The following ARSB variants were observed in gnomAD, a reference collection of about 807,000 sequenced individuals.
The protein encoded by ARSB is arylsulfatase B, also known as N-acetylgalactosamine-4-sulfatase.
In ARSB, 41 loss-of-function variants were observed where a neutral mutation model predicts 50.9. The ratio of observed to expected loss-of-function variants is 0.81; its 90% confidence interval spans 0.63 to 1.04. ARSB has a LOEUF of 1.04. Ranked by LOEUF, ARSB falls within the 50% of genes least tolerant of loss-of-function variation. The pLI, the probability that ARSB is intolerant of heterozygous loss-of-function variation, is 0.00. For missense variants in ARSB, 672 were observed against 693.3 expected, an observed-to-expected ratio of 0.97 and a Z score of 0.35; for synonymous variants, 269 against 284.8, an observed-to-expected ratio of 0.94 and a Z score of 0.56.
At chr5:78,832,016 C>T (rs1199488177) in intron 6 of ARSB, among the ~76,000 whole-genome samples, 2 of 151,984 alleles carry the variant, frequency 1.3e-5, no homozygotes, top group Non-Finnish European at 2.9e-5. Context: ...GTATTAATCT[C>T]TTATACATAA....
chr5:78,903,153 G>A (rs930992406), intron 4 of ARSB, among the ~76,000 whole-genome samples: 2 of 152,150 alleles, frequency 1.3e-5, no homozygotes, highest in African/African-American at 4.8e-5. Flanking sequence ...TTCAGAGGGG[G>A]AATAAGCAGT....
chr5:78,853,169 T>C (rs1270637682), intron 5 of ARSB, among the ~76,000 whole-genome samples: 3 of 152,252 alleles, frequency 2.0e-5, no homozygotes, highest in Non-Finnish European at 2.9e-5. Context: ...GCTCTGTTTT[T>C]TCCCCATCTT....
chr5:78,892,251 T>C (rs1360189370), intron 4 of ARSB, among the ~76,000 whole-genome samples: 2 of 116,798 alleles, frequency 1.7e-5, no homozygotes, highest in East Asian at 2.5e-4. Flanking sequence ...CTCTATTCTT[T>C]TTTTTTTTTT....
chr5:78,896,368 G>C (rs1397668998), intron 4 of ARSB, among the ~76,000 whole-genome samples: 2 of 152,154 alleles, frequency 1.3e-5, no homozygotes, highest in Non-Finnish European at 2.9e-5. Context: ...CTGGAGGGGA[G>C]CCAGGATGAG....
chr5:78,892,301 G>T (rs1280944635), intron 4 of ARSB, among the ~76,000 whole-genome samples: 1 of 136,628 alleles, frequency 7.3e-6, no homozygotes, highest in African/African-American at 3.1e-5. Context: ...TGTCTCCCAG[G>T]CTGGAGTACA....
At chr5:78,876,214 CTTGCT>C (rs1352844764) in intron 5 of ARSB, among the ~76,000 whole-genome samples, 41 of 151,884 alleles carry the variant, frequency 2.7e-4, no homozygotes, top group Non-Finnish European at 5.2e-4. Context: ...GAAGAAGAAA[CTTGCT>C]TTGGAAGAAG....
At chr5:78,798,560 C>T (rs16875919) in intron 6 of ARSB, among the ~76,000 whole-genome samples, 22,284 of 152,156 alleles carry the variant, frequency 0.15, 1,823 homozygotes, top group Middle Eastern at 0.2. Context: ...CCATCCAAAA[C>T]GCCTTGCTGA....
chr5:78,800,010 T>C lies in ARSB; in HGVS notation c.1214-18036A>G, dbSNP rs1166330393. Among the ~76,000 whole-genome samples the C allele has an allele frequency of 2.0e-5, 3 of 152,164 alleles. No homozygotes were observed. In the East Asian group the frequency reaches 5.8e-4, roughly 29 times the overall value. Reference sequence around the variant, plus strand: ...TGTGACAAACCCAGAGTTGGCTTTCTGAATGAGCAAGAGAAGCAAAGTAGC... The same window carrying C: ...TGTGACAAACCCAGAGTTGGCTTTCCGAATGAGCAAGAGAAGCAAAGTAGC... On this transcript the variant is annotated intron_variant, in intron 6 of 7. Coordinates refer to ENST00000264914, the MANE Select transcript of ARSB (RefSeq NM_000046.5).
At chr5:78,852,530 G>A (rs1193654077) in intron 5 of ARSB, among the ~76,000 whole-genome samples, 1 of 152,070 alleles carries the variant, frequency 6.6e-6, no homozygotes, top group East Asian at 1.9e-4. Flanking sequence ...TGACAATTAT[G>A]TGTCTTGGAG....
chr5:78,891,390 C>A (rs1748284101), intron 4 of ARSB, among the ~76,000 whole-genome samples: 1 of 152,082 alleles, frequency 6.6e-6, no homozygotes, highest in Non-Finnish European at 1.5e-5. Context: ...ATGTTGGAGT[C>A]TAAGAGGGTT....
At chr5:78,818,338 A>AGGATCTCTGTAGATCTCTGAT (rs1744078329) in intron 6 of ARSB, among the ~76,000 whole-genome samples, 1 of 152,288 alleles carries the variant, frequency 6.6e-6, no homozygotes, top group Non-Finnish European at 1.5e-5. Flanking sequence ...ATATACAACT[A>AGGATCTCTGTAGATCTCTGAT]AGGCTGCACA....
intron 4 of ARSB, among the ~76,000 whole-genome samples, chr5:78,894,716 A>G (rs1748484610): frequency 1.3e-5 from 2 of 152,264 alleles, no homozygotes; most frequent in African/African-American, 4.8e-5. Context: ...TATTGAATGC[A>G]TACTTAATCA....
At chr5:78,826,715 C>A (rs1369579540) in intron 6 of ARSB, among the ~76,000 whole-genome samples, 1 of 152,190 alleles carries the variant, frequency 6.6e-6, no homozygotes, top group Non-Finnish European at 1.5e-5. Context: ...AAACAAATAG[C>A]ACAGGTGTTA....
At chr5:78,904,569 A>G (rs1748952301) in intron 4 of ARSB, among the ~76,000 whole-genome samples, 1 of 151,090 alleles carries the variant, frequency 6.6e-6, no homozygotes, top group Admixed American at 6.6e-5. Context: ...CTCTTTCTGG[A>G]CTCTAATGAC....
upstream of ARSB, chr5:78,985,522 T>G: frequency 3.8e-6 from 1 of 264,018 alleles, no homozygotes; most frequent in East Asian, 7.3e-5. Context: ...CCAAGGCCCG[T>G]TATCTTCCCC....
intron 6 of ARSB, among the ~76,000 whole-genome samples, chr5:78,788,985 A>C (rs909778274): frequency 1.3e-5 from 2 of 152,172 alleles, no homozygotes; most frequent in Non-Finnish European, 2.9e-5. Context: ...TTTGAAATAC[A>C]CTAATTAGTG....
intron 1 of ARSB, among the ~76,000 whole-genome samples, chr5:78,982,834 A>C (rs777023277): frequency 3.3e-5 from 5 of 152,160 alleles, no homozygotes; most frequent in African/African-American, 4.8e-5. Context: ...TGGGTGAGAA[A>C]ACTGGAGGAA....
intron 6 of ARSB, among the ~76,000 whole-genome samples, chr5:78,798,140 C>A (rs925187775): frequency 1.3e-5 from 2 of 152,080 alleles, no homozygotes; most frequent in Non-Finnish European, 2.9e-5. Flanking sequence ...CATGAACTTG[C>A]GGATCTGATG....
intron 6 of ARSB, among the ~76,000 whole-genome samples, chr5:78,822,468 T>A (rs982029878): frequency 6.6e-6 from 1 of 152,176 alleles, no homozygotes; most frequent in African/African-American, 2.4e-5. Flanking sequence ...GCCTGATCAG[T>A]GTTGCTTTGT....
Sources: gnomAD v4.1 joint callset for allele counts (sites outside exome capture counted in the v4.1 genomes callset) on GRCh38, gnomAD v4.1.1 for gene constraint, MANE v1.5 for transcripts, NCBI Gene and HGNC (gene_info 2026-07-23, HGNC 2026-07-21) for gene names.